The following GLCCI1 variants were observed in gnomAD, a reference collection of about 807,000 sequenced individuals.
GLCCI1 encodes the protein glucocorticoid induced 1, also known as glucocorticoid-induced transcript 1 protein.
In GLCCI1, 24 loss-of-function variants were observed where a neutral mutation model predicts 52.2. The ratio of observed to expected loss-of-function variants is 0.46; its 90% CI spans 0.33 to 0.65. GLCCI1 has a LOEUF of 0.65. Among genes scored for constraint, GLCCI1 ranks in the 30% least tolerant of loss-of-function variants. GLCCI1 has a pLI of 0.02. For synonymous variants in GLCCI1, 310 were observed against 276.5 expected (o/e 1.12, Z -1.20); for missense variants, 704 against 701.5 (o/e 1.00, Z -0.04).
chr7:7,987,884 A>G (rs1780768087), intron 1 of GLCCI1, among the ~76,000 whole-genome samples: 1 of 151,980 alleles, frequency 6.6e-6, no homozygotes, highest in South Asian at 2.1e-4. Flanking sequence ...CCACCATTTT[A>G]TTTTTTAAAA....
chr7:7,977,959 C>G (rs1460307212), intron 1 of GLCCI1, among the ~76,000 whole-genome samples: 1 of 152,116 alleles, frequency 6.6e-6, no homozygotes, highest in Non-Finnish European at 1.5e-5. Context: ...GGAAAGTATG[C>G]ACAATGTATT....
intron 1 of GLCCI1, among the ~76,000 whole-genome samples, chr7:7,989,966 C>T (rs1412811530): frequency 3.0e-4 from 46 of 152,000 alleles, no homozygotes; most frequent in Admixed American, 2.9e-3. Flanking sequence ...TCCGAACATG[C>T]GTAGTTCAGT....
intron 2 of GLCCI1, among the ~76,000 whole-genome samples, chr7:8,016,062 CATTGGTTCTCA>C (rs1305798151): frequency 1.3e-5 from 2 of 152,204 alleles, no homozygotes; most frequent in Non-Finnish European, 2.9e-5. Context: ...TTGACTTATA[CATTGGTTCTCA>C]ACCTGTTATA....
Position 7,969,860 on chromosome 7 carries a change from C to T in GLCCI1, c.457+53C>T. On this transcript the variant is annotated intron_variant, in intron 1 of 7. Coordinates refer to ENST00000223145, the MANE Select transcript of GLCCI1 (RefSeq NM_138426.4). This position sits in a 1 kb window ranked among gnomAD's most constrained non-coding sequence, Gnocchi z 4.9. Reference sequence around the variant, plus strand: ...CGGGCTGCGTCTCCCCGACGGTGCCCTCCGTGGAAACTTCAGCCTCTTCGG... The same window carrying T: ...CGGGCTGCGTCTCCCCGACGGTGCCTTCCGTGGAAACTTCAGCCTCTTCGG... 7.5e-7 allele frequency: 1 copy of T among 1,328,718 alleles called. No homozygotes were observed. The highest frequency in any genetic ancestry group is 9.7e-7 in the Non-Finnish European group (1 of 1,029,862). The allele number at this position is 1,328,718 out of a possible 1,614,324, so 82.3% of individuals were successfully genotyped here. A position where few individuals can be genotyped will look rare whatever the true frequency, so the allele number is the denominator to read the frequency against.
intron 3 of GLCCI1, among the ~76,000 whole-genome samples, chr7:8,030,038 GA>G (rs1401143134): frequency 6.6e-6 from 1 of 151,896 alleles, no homozygotes; most frequent in African/African-American, 2.4e-5. Flanking sequence ...TCACAGAAAT[GA>G]AAAAAACTAA....
chr7:7,980,961 T>A (rs1780601664), intron 1 of GLCCI1: 2 of 581,732 alleles, frequency 3.4e-6, no homozygotes, highest in East Asian at 3.5e-5. Context: ...TAAAGAGTGG[T>A]AGAGTTGACA....
chr7:8,078,871 G>A (rs1271655750), intron 6 of GLCCI1: 3 of 152,218 alleles, frequency 2.0e-5, no homozygotes, highest in African/African-American at 7.2e-5. Flanking sequence ...AGACTTTAAG[G>A]TGACTATAAT....
rs568321448 is a variant in GLCCI1, at chr7:8,070,092, C to G, written c.967-829C>G. The G allele has an allele frequency of 2.0e-5, 3 of 152,346 alleles. No homozygotes were observed. The South Asian group carries it at 6.2e-4, about 32-fold the overall frequency. The allele number at this position is 152,346 out of a possible 1,614,324, so 9.4% of individuals were successfully genotyped here. The stretch of plus-strand genomic sequence containing the variant: ...TAGAAAGAGTCCACTGCAGCAGAAT[C>G]TCTGATGCCACTTAATTAGCTGTGC... On this transcript the variant is annotated intron_variant, in intron 5 of 7. Transcript: ENST00000223145.
intron 5 of GLCCI1, among the ~76,000 whole-genome samples, chr7:8,069,692 C>G (rs1245727308): frequency 6.6e-6 from 1 of 152,208 alleles, no homozygotes; most frequent in African/African-American, 2.4e-5. Context: ...GGGCAGAACT[C>G]TAAATGAAGT....
At chr7:7,989,588 G>A (rs1326892573) in intron 1 of GLCCI1, among the ~76,000 whole-genome samples, 1 of 152,014 alleles carries the variant, frequency 6.6e-6, no homozygotes, top group African/African-American at 2.4e-5. Context: ...CCAAAAGTCT[G>A]CTTTGGTAAA....
At chr7:8,007,585 T>TC (rs1393829174) in intron 2 of GLCCI1, among the ~76,000 whole-genome samples, 3 of 152,180 alleles carry the variant, frequency 2.0e-5, no homozygotes, top group Non-Finnish European at 4.4e-5. Context: ...TATGGCGACA[T>TC]CCGTTTCTCC....
At chr7:8,060,516 C>T (rs1322854242) in intron 5 of GLCCI1, among the ~76,000 whole-genome samples, 3 of 152,160 alleles carry the variant, frequency 2.0e-5, no homozygotes, top group African/African-American at 7.2e-5. Flanking sequence ...TGGCCCTAGG[C>T]GGTCACTAAT....
chr7:8,017,686 C>CT (rs556432695), intron 2 of GLCCI1, among the ~76,000 whole-genome samples: 43 of 152,020 alleles, frequency 2.8e-4, no homozygotes, highest in Admixed American at 1.6e-3. Flanking sequence ...ATTCCTAAAG[C>CT]TTAAAAAAAA....
intron 3 of GLCCI1, among the ~76,000 whole-genome samples, chr7:8,028,598 G>T (rs1781679073): frequency 1.3e-5 from 2 of 151,678 alleles, no homozygotes; most frequent in South Asian, 2.1e-4. Context: ...TATAAGAAAA[G>T]AAATAATAAA....
chr7:8,062,289 A>G (rs918349304), intron 5 of GLCCI1, among the ~76,000 whole-genome samples: 1 of 152,214 alleles, frequency 6.6e-6, no homozygotes, highest in Admixed American at 6.5e-5. Flanking sequence ...AGTAGCCAAA[A>G]AAGGAAAATT....
intron 3 of GLCCI1, among the ~76,000 whole-genome samples, chr7:8,035,268 C>A (rs1188162120): frequency 6.6e-6 from 1 of 152,202 alleles, no homozygotes; most frequent in Non-Finnish European, 1.5e-5. Context: ...ACTGCTACTT[C>A]CAGTGCAGAT....
intron 1 of GLCCI1, chr7:7,980,667 G>A: frequency 1.2e-6 from 1 of 806,256 alleles, no homozygotes; most frequent in Non-Finnish European, 2.1e-6. Context: ...ACAAGAAGAA[G>A]GGCACAATGT....
At chr7:8,040,481 C>A (rs1011698093) in intron 3 of GLCCI1, among the ~76,000 whole-genome samples, 2 of 149,302 alleles carry the variant, frequency 1.3e-5, no homozygotes, top group Non-Finnish European at 3.0e-5. Flanking sequence ...CAGAGCAAGA[C>A]CCTGACTCAA....
intron 2 of GLCCI1, among the ~76,000 whole-genome samples, chr7:8,012,386 A>G (rs1781281639): frequency 6.8e-6 from 1 of 146,046 alleles, no homozygotes; most frequent in African/African-American, 2.5e-5. Context: ...TATCAGATAC[A>G]TGGTTTGCAA....
Sources: gnomAD v4.1 joint callset for allele counts (sites outside exome capture counted in the v4.1 genomes callset) on GRCh38, gnomAD v4.1.1 for gene constraint, Gnocchi (gnomAD v3.1) non-coding constraint, MANE v1.5 for transcripts, NCBI Gene and HGNC (gene_info 2026-07-23, HGNC 2026-07-21) for gene names.